Variants in CHODL observed in about 807,000 individuals in gnomAD.
CHODL encodes transmembrane protein MT75.
CHODL carries 29 observed loss-of-function variants against 34.5 expected under a neutral mutation model. The observed-to-expected ratio is 0.84, with a 90% confidence interval of 0.63 to 1.15. The LOEUF (loss-of-function observed/expected upper bound fraction) is 1.15, where lower values mean the gene tolerates loss of function less well. Among genes scored for constraint, CHODL ranks in the 50% most tolerant of loss-of-function variants. CHODL has a pLI of 0.00. For synonymous variants in CHODL, 125 were observed against 116.1 expected (o/e 1.08, Z -0.49); for missense variants, 332 against 332.5 (o/e 1.00, Z 0.01).
At chr21:18,181,804 T>C (rs2073386097) in intron 2 of CHODL, among the ~76,000 whole-genome samples, 1 of 152,248 alleles carries the variant, frequency 6.6e-6, no homozygotes, top group Admixed American at 6.5e-5. Flanking sequence ...AGATGGTCTC[T>C]TGTGACTGAC....
chr21:18,182,254 T>G (rs146089940), intron 2 of CHODL, among the ~76,000 whole-genome samples: 6 of 152,092 alleles, frequency 3.9e-5, no homozygotes, highest in Non-Finnish European at 8.8e-5. Context: ...AGTAAAAAAT[T>G]TGAGGTTCAG....
At chr21:18,133,522 G>A (rs2072683283) in intron 2 of CHODL, among the ~76,000 whole-genome samples, 1 of 151,198 alleles carries the variant, frequency 6.6e-6, no homozygotes, top group East Asian at 1.9e-4. Context: ...TGCATATCTT[G>A]TATCCACTTT....
intron 2 of CHODL, among the ~76,000 whole-genome samples, chr21:18,068,266 AGC>A (rs2064754955): frequency 6.6e-6 from 1 of 151,000 alleles, no homozygotes; most frequent in African/African-American, 2.4e-5. Flanking sequence ...GTGCGGTCTC[AGC>A]TCACTGCAAC....
At chr21:18,202,499 C>G (rs2073665955) in intron 2 of CHODL, among the ~76,000 whole-genome samples, 1 of 152,210 alleles carries the variant, frequency 6.6e-6, no homozygotes, top group South Asian at 2.1e-4. Flanking sequence ...TTCATACATA[C>G]GTCTTCAGAC....
chr21:18,034,816 C>A (rs959009027), intron 2 of CHODL, among the ~76,000 whole-genome samples: 1 of 151,986 alleles, frequency 6.6e-6, no homozygotes, highest in East Asian at 1.9e-4. Flanking sequence ...GAAAAAGCCA[C>A]CAGTAACATG....
In CHODL at chr21:18,256,550, A is replaced by G. The variant is rs1228575834; in HGVS notation, c.121A>G (p.Lys41Glu). Residue 41 changes from lysine (K) to glutamate (E), a missense_variant, in exon 2 of 6, where the codon AAA (lysine) becomes GAA (glutamate). Lys to Glu is a moderately conservative substitution (Grantham distance 56). Transcript: ENST00000299295. ...CFADFKHPCY[K>E]MAYFHELSSR... ...TGCTGACTTCAAGCATCCCTGCTAC[A>G]AAATGGCCTACTTCCATGAACTGTC... 2 of 1,613,568 alleles carry G rather than the reference A, an allele frequency of 1.2e-6. No homozygotes were observed. Among genetic ancestry groups the G allele is most frequent in the African/African-American group, 2.7e-5 (2 of 74,864 alleles).
chr21:17,919,965 C>T (rs2063171311), intron 1 of CHODL, among the ~76,000 whole-genome samples: 1 of 152,162 alleles, frequency 6.6e-6, no homozygotes, highest in African/African-American at 2.4e-5. Context: ...ACAAGAGTCA[C>T]CTTTGCTCCA....
intron 1 of CHODL, among the ~76,000 whole-genome samples, chr21:18,007,093 A>G (rs1339242589): frequency 6.7e-6 from 1 of 149,930 alleles, no homozygotes; most frequent in Non-Finnish European, 1.5e-5. Context: ...TGTACTTAGG[A>G]GAGGTTCAAA....
intron 2 of CHODL, among the ~76,000 whole-genome samples, chr21:18,202,884 G>A (rs2073669940): frequency 1.3e-5 from 2 of 151,878 alleles, no homozygotes; most frequent in South Asian, 2.1e-4. Context: ...TAAATATGCT[G>A]GCTACGTCTA....
At chr21:18,174,514 A>G (rs575672322) in intron 2 of CHODL, among the ~76,000 whole-genome samples, 1 of 152,258 alleles carries the variant, frequency 6.6e-6, no homozygotes, top group Admixed American at 6.5e-5. Context: ...ACTTAAGGCC[A>G]AGTTTATAAG....
chr21:18,227,090 C>T lies in CHODL; in HGVS notation c.-44-29419C>T, dbSNP rs115391666. On this transcript the variant is annotated intron_variant, in intron 2 of 6. Transcript: ENST00000400127. Reference sequence around the variant, plus strand: ...TATTCTCACAGATGGCACCTTCTTACTGTGTCCTCACATAGTGGAAGGGGC... The same window carrying T: ...TATTCTCACAGATGGCACCTTCTTATTGTGTCCTCACATAGTGGAAGGGGC... Among the ~76,000 whole-genome samples, 816 of 152,254 alleles carry T rather than the reference C, an allele frequency of 5.4e-3. 8 individuals carry two copies. The highest frequency in any genetic ancestry group is 0.019 in the African/African-American group (781 of 41,564).
At chr21:17,970,695 C>T (rs2063607666) in intron 1 of CHODL, among the ~76,000 whole-genome samples, 1 of 152,070 alleles carries the variant, frequency 6.6e-6, no homozygotes, top group Non-Finnish European at 1.5e-5. Context: ...CTACACCCAT[C>T]ACTTGAGCAG....
At chr21:17,997,300 A>G (rs1228712418) in intron 1 of CHODL, among the ~76,000 whole-genome samples, 1 of 152,206 alleles carries the variant, frequency 6.6e-6, no homozygotes, top group Non-Finnish European at 1.5e-5. Context: ...GGGCATGGCC[A>G]GCTTTCCTTC....
chr21:17,962,352 T>C (rs982393792), intron 1 of CHODL, among the ~76,000 whole-genome samples: 7 of 152,216 alleles, frequency 4.6e-5, no homozygotes, highest in Admixed American at 1.3e-4. Context: ...TGCTATTTCA[T>C]TGTGCTAGAT....
At chr21:18,161,572 C>T (rs996476455) in intron 2 of CHODL, among the ~76,000 whole-genome samples, 2 of 152,168 alleles carry the variant, frequency 1.3e-5, no homozygotes, top group Non-Finnish European at 2.9e-5. Context: ...TTAAATGGGT[C>T]ATGCTTTCTC....
At chr21:18,121,903 C>A (rs1381859439) in intron 2 of CHODL, among the ~76,000 whole-genome samples, 1 of 152,076 alleles carries the variant, frequency 6.6e-6, no homozygotes, top group African/African-American at 2.4e-5. Context: ...TATTTATTGT[C>A]CCCTTTTCCC....
At chr21:18,089,186 A>G (rs1261845306) in intron 2 of CHODL, among the ~76,000 whole-genome samples, 1 of 152,192 alleles carries the variant, frequency 6.6e-6, no homozygotes, top group Non-Finnish European at 1.5e-5. Context: ...GCTAGTAAAT[A>G]ATTTGATGCT....
chr21:18,085,432 T>C (rs2064994377), intron 2 of CHODL, among the ~76,000 whole-genome samples: 1 of 152,214 alleles, frequency 6.6e-6, no homozygotes, highest in Admixed American at 6.5e-5. Context: ...TTTCCTTCTT[T>C]GTGTGATTGT....
At chr21:18,265,227 ATATG>A (rs2074440687) in intron 5 of CHODL, among the ~76,000 whole-genome samples, 1 of 146,988 alleles carries the variant, frequency 6.8e-6, no homozygotes, top group African/African-American at 2.5e-5. Context: ...GTGTATATAT[ATATG>A]TGTGTATATA....
Sources: gnomAD v4.1 joint callset for allele counts (sites outside exome capture counted in the v4.1 genomes callset) on GRCh38, gnomAD v4.1.1 for gene constraint, MANE v1.5 for transcripts, NCBI Gene and HGNC (gene_info 2026-07-23, HGNC 2026-07-21) for gene names.